PKD1L1: variants seen among roughly 807,000 people sequenced by gnomAD.
PKD1L1 encodes the protein polycystin 1 like 1, transient receptor potential channel interacting, also known as polycystin-1-like protein 1.
PKD1L1 carries 236 observed loss-of-function variants against 323.4 expected under a neutral mutation model. That is an observed-to-expected ratio of 0.73 (90% confidence interval 0.66 to 0.81). The LOEUF (loss-of-function observed/expected upper bound fraction) is 0.81. Among genes scored for constraint, PKD1L1 ranks in the 40% least tolerant of loss-of-function variants. The pLI is 0.00. For synonymous variants in PKD1L1, 1,344 were observed against 1,335.0 expected (o/e 1.01, Z -0.15); for missense variants, 3,320 against 3,508.0 (o/e 0.95, Z 1.35).
chr7:47,887,196 C>T (rs1014916386), intron 17 of PKD1L1, among the ~76,000 whole-genome samples: 1 of 152,222 alleles, frequency 6.6e-6, no homozygotes, highest in East Asian at 1.9e-4. Context: ...GCCGCTGAGG[C>T]CAGCTGTACC....
At chr7:47,884,051 C>T (rs1786624737) in intron 19 of PKD1L1, among the ~76,000 whole-genome samples, 1 of 152,160 alleles carries the variant, frequency 6.6e-6, no homozygotes, top group African/African-American at 2.4e-5. Context: ...GCCATGGAAG[C>T]TTTCCTGGAA....
At chr7:47,918,078 G>T (rs1469104706) in intron 7 of PKD1L1, among the ~76,000 whole-genome samples, 1 of 152,106 alleles carries the variant, frequency 6.6e-6, no homozygotes, top group African/African-American at 2.4e-5. Flanking sequence ...ACGATCTGCT[G>T]CCTTCAGGAG....
chr7:47,956,540 C>A, the PKD1L1 span, among the ~76,000 whole-genome samples: 1 of 152,200 alleles, frequency 6.6e-6, no homozygotes, highest in African/African-American at 2.4e-5. Flanking sequence ...AGACAGTATG[C>A]TTACAATTTC....
chr7:47,929,082 G>A (rs754475012), intron 7 of PKD1L1, 122 bp downstream of exon 7: 1 of 1,011,134 alleles, frequency 9.9e-7, no homozygotes, highest in Non-Finnish European at 1.5e-6. Context: ...TTGGAGCCAG[G>A]AAGGTTGGCT....
At chr7:47,914,818 C>T (rs529691219) in intron 8 of PKD1L1, among the ~76,000 whole-genome samples, 69 of 151,932 alleles carry the variant, frequency 4.5e-4, no homozygotes, top group African/African-American at 1.7e-3. Context: ...ATGAGGACCA[C>T]GGAAAAGGGT....
At chr7:47,816,454 G>C (rs1018938993) in intron 46 of PKD1L1, among the ~76,000 whole-genome samples, 1 of 152,174 alleles carries the variant, frequency 6.6e-6, no homozygotes, top group African/African-American at 2.4e-5. Flanking sequence ...GCTACAGCCA[G>C]AGGCAAAAGG....
the PKD1L1 span, among the ~76,000 whole-genome samples, chr7:47,953,550 T>C: frequency 8.5e-5 from 13 of 152,338 alleles, 2 homozygotes; most frequent in South Asian, 2.7e-3. Context: ...GCACCACTGT[T>C]TCTCTTGGTT....
intron 24 of PKD1L1, among the ~76,000 whole-genome samples, chr7:47,868,736 G>A (rs973104293): frequency 1.2e-4 from 18 of 152,116 alleles, no homozygotes; most frequent in Non-Finnish European, 1.6e-4. Flanking sequence ...TTAGCCAGGC[G>A]TCGTGGCACA....
chr7:47,877,581 G>C lies in PKD1L1; in HGVS notation c.3571C>G (p.Pro1191Ala), dbSNP rs745930101. 1 of 1,614,140 alleles carries C rather than the reference G, an allele frequency of 6.2e-7. No individual in the cohort carries two copies. The highest frequency in any genetic ancestry group is 1.1e-5 in the South Asian group (1 of 91,084). Residue 1191 changes from proline (P) to alanine (A), a missense_variant, in exon 22 of 57, where the codon CCG (proline) becomes GCG (alanine). By Grantham distance (27) the Pro-to-Ala change is conservative. Coordinates refer to ENST00000289672, the MANE Select transcript of PKD1L1 (RefSeq NM_138295.5). ...GKAQLYLTVN[P>A]APRDMACQVQ... ...TGACAGGCCATGTCCCGAGGAGCCG[G>C]GTTGACTGTCAAGTACAGCTGAGCT... is the stretch of plus-strand genomic sequence containing the variant.
intron 45 of PKD1L1, among the ~76,000 whole-genome samples, chr7:47,825,064 A>T (rs1467362922): frequency 6.6e-6 from 1 of 152,206 alleles, no homozygotes; most frequent in Non-Finnish European, 1.5e-5. Context: ...GCACTGTGTG[A>T]AATGCTCTAT....
intron 51 of PKD1L1, among the ~76,000 whole-genome samples, chr7:47,808,657 T>C (rs1038437121): frequency 6.6e-6 from 1 of 152,202 alleles, no homozygotes; most frequent in African/African-American, 2.4e-5. Context: ...TACTGAATAC[T>C]GAGGCAATCA....
Position 47,846,962 on chromosome 7 carries a change from T to C in PKD1L1, c.5070A>G (p.Arg1690=). Residue 1690 remains arginine (R), a synonymous_variant, in exon 32 of 57, where the codon CGA becomes CGG. Transcript: ENST00000289672. Reference sequence around the variant, plus strand: ...ACTCTCTCTTGTCCCAAAACAGGCATCGGATCCACTGGAAATGTACTGTAT... The same window carrying C: ...ACTCTCTCTTGTCCCAAAACAGGCACCGGATCCACTGGAAATGTACTGTAT... ...VNYTVHFQWI[R]CLFWDKREWK... 1 of 1,614,050 alleles carries C rather than the reference T, an allele frequency of 6.2e-7. No homozygotes were observed. Among genetic ancestry groups the C allele is most frequent in the East Asian group, 2.2e-5 (1 of 44,894 alleles).
At chr7:47,878,873 C>T (rs893169422) in intron 21 of PKD1L1, among the ~76,000 whole-genome samples, 9 of 152,156 alleles carry the variant, frequency 5.9e-5, no homozygotes, top group African/African-American at 2.2e-4. Context: ...CTGAGTGCAC[C>T]ACCTGGCAGC....
intron 56 of PKD1L1, among the ~76,000 whole-genome samples, chr7:47,792,343 T>C (rs1786969794): frequency 6.6e-6 from 1 of 152,176 alleles, no homozygotes; most frequent in Non-Finnish European, 1.5e-5. Context: ...AAGATCGAGT[T>C]TCCATTTCTG....
intron 56 of PKD1L1, among the ~76,000 whole-genome samples, chr7:47,785,296 C>T (rs4724642): frequency 0.28 from 42,194 of 152,028 alleles, 6,182 homozygotes; most frequent in East Asian, 0.57. Context: ...GAGATTTGTA[C>T]TTTCCAAGTT....
chr7:47,802,158 C>T (rs1784677086), intron 53 of PKD1L1, among the ~76,000 whole-genome samples: 2 of 149,870 alleles, frequency 1.3e-5, no homozygotes, highest in Non-Finnish European at 3.0e-5. Flanking sequence ...CACCACTGCC[C>T]TCCAGCCTGG....
chr7:47,890,792 G>T, intron 15 of PKD1L1, 29 bp from the exon 16 acceptor site: 1 of 1,599,890 alleles, frequency 6.3e-7, no homozygotes, highest in South Asian at 1.1e-5. Context: ...GAGTGGCTGA[G>T]GGGAGCATCA....
chr7:47,935,158 C>A (rs978524258), intron 4 of PKD1L1, among the ~76,000 whole-genome samples: 14 of 152,210 alleles, frequency 9.2e-5, no homozygotes, highest in Admixed American at 3.9e-4. Context: ...TTACTTACAC[C>A]TTAGCTAAGT....
chr7:47,824,232 G>GA (rs1298964682), intron 45 of PKD1L1, among the ~76,000 whole-genome samples: 13 of 152,056 alleles, frequency 8.5e-5, no homozygotes, highest in Non-Finnish European at 1.8e-4. Flanking sequence ...AAAAATCTAG[G>GA]AAAATATTTT....
Sources: allele counts gnomAD v4.1 joint callset (sites outside exome capture counted in the v4.1 genomes callset), GRCh38; gene constraint gnomAD v4.1.1; transcripts MANE v1.5; gene names NCBI Gene and HGNC (gene_info 2026-07-23, HGNC 2026-07-21).